GLCCI1: variants seen among roughly 807,000 people sequenced by gnomAD.
GLCCI1 encodes the protein glucocorticoid induced 1.
GLCCI1 carries 24 observed loss-of-function variants against 52.2 expected under a neutral mutation model. That is an observed-to-expected ratio of 0.46 (90% CI 0.33 to 0.65). The LOEUF is 0.65. GLCCI1 is among the 30% of genes least tolerant of loss of function. GLCCI1 has a pLI of 0.02. For missense variants in GLCCI1, 704 were observed against 701.5 expected (o/e 1.00, Z -0.04); for synonymous variants, 310 against 276.5 (o/e 1.12, Z -1.20).
At chr7:8,002,566 C>G (rs38008) in intron 1 of GLCCI1, among the ~76,000 whole-genome samples, 1 of 151,938 alleles carries the variant, frequency 6.6e-6, no homozygotes, top group African/African-American at 2.4e-5. Context: ...TATTATCTGC[C>G]TAATATGATA....
At chr7:8,004,178 A>T in intron 2 of GLCCI1, 119 bp downstream of exon 2, 1 of 918,026 alleles carries the variant, frequency 1.1e-6, no homozygotes, top group East Asian at 2.5e-5. Context: ...ACCAAGGAAG[A>T]AAGGAAAAAT....
chr7:8,079,570 G>C (rs1782950965), intron 6 of GLCCI1, among the ~76,000 whole-genome samples: 1 of 151,468 alleles, frequency 6.6e-6, no homozygotes, highest in African/African-American at 2.4e-5. Context: ...AGAGTGAGTA[G>C]TTAGCATATC....
At chr7:7,986,381 AG>A (rs35143945) in intron 1 of GLCCI1, among the ~76,000 whole-genome samples, 100,833 of 150,610 alleles carry the variant, frequency 0.67, 33,796 homozygotes, top group African/African-American at 0.73. Context: ...GAGCAGGGGG[AG>A]GGGGGGGTGG....
At chr7:7,995,203 T>C (rs1403422412) in intron 1 of GLCCI1, among the ~76,000 whole-genome samples, 1 of 152,236 alleles carries the variant, frequency 6.6e-6, no homozygotes, top group Non-Finnish European at 1.5e-5. Context: ...TGTCATTATA[T>C]TGAGGAAATT....
chr7:8,040,067 AC>A (rs1301290342), intron 3 of GLCCI1, among the ~76,000 whole-genome samples: 1 of 151,798 alleles, frequency 6.6e-6, no homozygotes, highest in Non-Finnish European at 1.5e-5. Context: ...ACTGCACTTT[AC>A]CCCCTAAATC....
intron 5 of GLCCI1, among the ~76,000 whole-genome samples, chr7:8,067,857 C>T (rs1396055905): frequency 6.6e-6 from 1 of 152,064 alleles, no homozygotes; most frequent in Admixed American, 6.6e-5. Flanking sequence ...TAGTATTTTG[C>T]AGGGGTTCTC....
At chr7:8,080,619 C>CTCTCAGAAATAAAAT in intron 6 of GLCCI1, among the ~76,000 whole-genome samples, 1 of 151,458 alleles carries the variant, frequency 6.6e-6, no homozygotes, top group Middle Eastern at 3.4e-3. Flanking sequence ...AAAATTGTAT[C>CTCTCAGAAATAAAAT]TGTATGTACC....
At position 8,088,924 on chromosome 7, in the gene GLCCI1, A is replaced by G. The variant is rs772206561; in HGVS notation, c.*2386A>G. 6.5e-6 allele frequency: 1 copy of G among 152,684 alleles called. No individual in the cohort carries two copies. The highest frequency in any genetic ancestry group is 2.4e-5 in the African/African-American group (1 of 41,464). The allele number at this position is 152,684 out of a possible 1,614,324, so 9.5% of individuals were successfully genotyped here. A position where few individuals can be genotyped will look rare whatever the true frequency, so the allele number is the denominator to read the frequency against. ...GTCAGAAATTGTTTAAATTTTGTAT[A>G]TAATTGTACTGTTTAATTCTAGCCA... On this transcript the variant is annotated 3_prime_UTR_variant, in exon 8 of 8. Coordinates refer to ENST00000223145, the MANE Select transcript of GLCCI1 (RefSeq NM_138426.4).
intron 2 of GLCCI1, among the ~76,000 whole-genome samples, chr7:8,019,387 G>A (rs897828317): frequency 6.6e-6 from 1 of 152,128 alleles, no homozygotes; most frequent in African/African-American, 2.4e-5. Context: ...TATATTTGTA[G>A]ATGAGAATTT....
intron 3 of GLCCI1, among the ~76,000 whole-genome samples, chr7:8,047,760 T>G (rs571224506): frequency 6.6e-6 from 1 of 152,350 alleles, no homozygotes; most frequent in Non-Finnish European, 1.5e-5. Context: ...GGACTTTAAA[T>G]TAGCTCCCAC....
At chr7:7,979,288 A>T (rs1195570932) in intron 1 of GLCCI1, among the ~76,000 whole-genome samples, 1 of 152,210 alleles carries the variant, frequency 6.6e-6, no homozygotes, top group Non-Finnish European at 1.5e-5. Flanking sequence ...AAAAAAACGC[A>T]TTCAGGGAAT....
chr7:8,075,060 C>G (rs1188978061), intron 6 of GLCCI1, among the ~76,000 whole-genome samples: 1 of 152,136 alleles, frequency 6.6e-6, no homozygotes, highest in African/African-American at 2.4e-5. Context: ...TCTGACTTTG[C>G]TAACATCATT....
intron 3 of GLCCI1, among the ~76,000 whole-genome samples, chr7:8,054,027 A>G (rs1782328588): frequency 6.6e-6 from 1 of 152,134 alleles, no homozygotes; most frequent in African/African-American, 2.4e-5. Context: ...AATATTTATC[A>G]ATTTTAAGAT....
intron 5 of GLCCI1, among the ~76,000 whole-genome samples, chr7:8,064,337 C>T (rs558582869): frequency 3.3e-5 from 5 of 152,162 alleles, no homozygotes; most frequent in African/African-American, 9.7e-5. Context: ...CGAATTATCC[C>T]AGTGCCATTT....
intron 2 of GLCCI1, among the ~76,000 whole-genome samples, chr7:8,007,955 A>ATT (rs1583966830): frequency 6.6e-6 from 1 of 152,214 alleles, no homozygotes; most frequent in East Asian, 1.9e-4. Flanking sequence ...TTAATTAAAA[A>ATT]AGTAGTTAAT....
At chr7:8,084,801 C>T in intron 6 of GLCCI1, 96 bp from the exon 7 acceptor site, 1 of 1,185,108 alleles carries the variant, frequency 8.4e-7, no homozygotes, top group East Asian at 2.4e-5. Context: ...AGCATAGGGG[C>T]AGTAGTGGAT....
At chr7:8,049,122 T>C (rs9692283) in intron 3 of GLCCI1, among the ~76,000 whole-genome samples, 63,303 of 151,958 alleles carry the variant, frequency 0.42, 13,446 homozygotes, top group Middle Eastern at 0.52. Flanking sequence ...CATTAGTACG[T>C]TATATTTTTT....
rs1216220278 is a variant in GLCCI1, at chr7:8,086,745, T to G, written c.*207T>G. 1.8e-6 allele frequency: 1 copy of G among 552,196 alleles called. No individual in the cohort carries two copies. The highest frequency in any genetic ancestry group is 1.9e-5 in the African/African-American group (1 of 53,294). 34.2% of individuals were successfully genotyped at this position (552,196 alleles called of 1,614,324 possible). A position where few individuals can be genotyped will look rare whatever the true frequency, so the allele number is the denominator to read the frequency against. ...AGCAGTAATGCTTGCAAAACGTGTG[T>G]GTCATTCAGCATTTTAAGTGGAGAC... is the stretch of plus-strand genomic sequence containing the variant. On this transcript the variant is annotated 3_prime_UTR_variant, in exon 8 of 8. Transcript: ENST00000223145. The surrounding 1 kb of genome is among the most constrained non-coding windows in gnomAD (Gnocchi z 4.4).
At chr7:7,987,740 G>A (rs930476377) in intron 1 of GLCCI1, among the ~76,000 whole-genome samples, 7 of 152,050 alleles carry the variant, frequency 4.6e-5, no homozygotes, top group African/African-American at 1.7e-4. Context: ...GGTGCATGCC[G>A]CCATGTCTGG....
Sources: gnomAD v4.1 joint callset for allele counts (sites outside exome capture counted in the v4.1 genomes callset) on GRCh38, gnomAD v4.1.1 for gene constraint, Gnocchi (gnomAD v3.1) non-coding constraint, MANE v1.5 for transcripts, NCBI Gene and HGNC (gene_info 2026-07-23, HGNC 2026-07-21) for gene names.